Variants in LRIG2 observed in about 807,000 individuals in gnomAD.
LRIG2 encodes leucine rich repeats and immunoglobulin like domains 2.
A neutral mutation model predicts 107.8 loss-of-function variants in LRIG2; 93 were observed. The observed-to-expected ratio is 0.86, with a 90% CI of 0.73 to 1.03. The LOEUF (loss-of-function observed/expected upper bound fraction) is 1.03, where lower values mean the gene tolerates loss of function less well. Ranked by LOEUF, LRIG2 falls within the 50% of genes least tolerant of loss-of-function variation. The pLI is 0.00. For synonymous variants in LRIG2, 471 were observed against 470.6 expected (o/e 1.00, Z -0.01); for missense variants, 1,226 against 1,296.0 (o/e 0.95, Z 0.83).
chr1:113,094,577 C>T, intron 5 of LRIG2, 35 bp from the exon 6 acceptor site: 2 of 1,595,354 alleles, frequency 1.3e-6, no homozygotes, highest in Non-Finnish European at 1.7e-6. Context: ...TTTTAGCAAA[C>T]CAATTTCCTG....
Position 113,089,785 on chromosome 1 carries a change from A to G in LRIG2, c.240-1533A>G, listed in dbSNP as rs188775005. ...CAACCTCACTACAACCTCCGCCTCA[A>G]GGGTTCAAGTGATTCTCCTGCCTCA... is the stretch of plus-strand genomic sequence containing the variant. On this transcript the variant is annotated intron_variant, in intron 1 of 17. Coordinates refer to ENST00000361127, the MANE Select transcript of LRIG2 (RefSeq NM_014813.3). Among the ~76,000 whole-genome samples the G allele has an allele frequency of 8.9e-4, 127 of 142,134 alleles. No homozygotes were observed. In the East Asian group the frequency reaches 0.017, roughly 19 times the overall value. 93.2% of individuals were successfully genotyped at this position (142,134 alleles called of 152,430 possible).
intron 14 of LRIG2, 30 bp from the exon 15 acceptor site, chr1:113,114,396 AT>A (rs200615395): frequency 0.16 from 163,019 of 1,021,108 alleles, 7 homozygotes; most frequent in South Asian, 0.18. Context: ...CTAACTTTTC[AT>A]TTTTTTTTTT....
intron 14 of LRIG2, among the ~76,000 whole-genome samples, chr1:113,113,101 G>C (rs1374058687): frequency 6.7e-6 from 1 of 150,220 alleles, no homozygotes; most frequent in Non-Finnish European, 1.5e-5. Flanking sequence ...GAGTTCCACT[G>C]TTCTTTTAGG....
chr1:113,114,022 A>G (rs1654889199), intron 14 of LRIG2, among the ~76,000 whole-genome samples: 1 of 152,232 alleles, frequency 6.6e-6, no homozygotes, highest in Non-Finnish European at 1.5e-5. Context: ...GTAAAAGATC[A>G]TGTGACTATA....
rs777636481 is a variant in LRIG2 at position 113,124,047 on chromosome 1, T to C, written c.3144T>C (p.His1048=). Residue 1048 remains histidine (H), a synonymous_variant, in exon 18 of 18, where the codon CAT becomes CAC. Coordinates refer to ENST00000361127, the MANE Select transcript of LRIG2 (RefSeq NM_014813.3). ...SSMSCHRLQD[H]AFDFSRTRNI... ...TGTCCTGCCACAGGTTACAGGATCA[T>C]GCTTTTGATTTTAGTAGGACTCGGA... 18 of 1,614,062 alleles carry C rather than the reference T, an allele frequency of 1.1e-5. No individual in the cohort carries two copies. The East Asian group carries it at 3.3e-4, about 30-fold the overall frequency.
intron 17 of LRIG2, among the ~76,000 whole-genome samples, chr1:113,120,548 T>C (rs1030540300): frequency 6.6e-6 from 1 of 151,422 alleles, no homozygotes; most frequent in Non-Finnish European, 1.5e-5. Context: ...TTCGCTCTTG[T>C]TTCCCAAGCT....
chr1:113,110,990 T>TTGTGTG (rs71087153), intron 13 of LRIG2, among the ~76,000 whole-genome samples: 19 of 149,626 alleles, frequency 1.3e-4, no homozygotes, highest in East Asian at 1.2e-3. Context: ...ACAGGATCAT[T>TTGTGTG]TGTGTGTGTG....
chr1:113,106,375 A>G (rs1442080620), intron 11 of LRIG2, among the ~76,000 whole-genome samples: 1 of 152,200 alleles, frequency 6.6e-6, no homozygotes, highest in African/African-American at 2.4e-5. Flanking sequence ...AGTGGATGGG[A>G]CATTTAAGGG....
chr1:113,112,764 C>G lies in LRIG2; in HGVS notation c.2080+4C>G, dbSNP rs375581344. 2 of 1,589,486 alleles carry G rather than the reference C, an allele frequency of 1.3e-6. No homozygotes were observed. Among genetic ancestry groups the G allele is most frequent in the Non-Finnish European group, 1.7e-6 (2 of 1,160,754 alleles). ...AATGCTTCCCTAACAGTGTTAGGTA[C>G]GTTTACTGCTCCATGGGTCCCTGCT... On this transcript the variant is annotated splice_donor_region_variant and intron_variant, in intron 14 of 17. Transcript: ENST00000361127.
At chr1:113,101,256 ACAGGGTTTCGCCATGTTGGCCAG>A (rs1654296558) in intron 11 of LRIG2, among the ~76,000 whole-genome samples, 1 of 152,066 alleles carries the variant, frequency 6.6e-6, no homozygotes, top group Non-Finnish European at 1.5e-5. Flanking sequence ...TTTAGTAGAG[ACAGGGTTTCGCCATGTTGGCCAG>A]CTGGTCTCGA....
rs762307892 is a variant in LRIG2 at position 113,123,922 on chromosome 1, C to T, written c.3019C>T (p.Pro1007Ser). ...GAACATAAACAGAGAACTAGGCCTG[C>T]CTCATCCTCCTTTTTCCCAGCAGCC... ...VWNINRELGL[P>S]HPPFSQQPVH... Residue 1007 changes from proline to serine, a missense_variant, in exon 18 of 18, where the codon CCT becomes TCT. Pro to Ser is a moderately conservative substitution (Grantham distance 74). Coordinates refer to ENST00000361127, the MANE Select transcript of LRIG2 (RefSeq NM_014813.3). The T allele has an allele frequency of 6.2e-7, 1 of 1,614,196 alleles. No homozygotes were observed. The highest frequency in any genetic ancestry group is 2.2e-5 in the East Asian group (1 of 44,884).
chr1:113,097,471 T>A (rs893286549), intron 8 of LRIG2, among the ~76,000 whole-genome samples: 3 of 152,164 alleles, frequency 2.0e-5, no homozygotes, highest in Admixed American at 6.6e-5. Context: ...TTTGATTTTT[T>A]AAAAAATTCC....
chr1:113,119,662 A>G (rs1655165672), intron 17 of LRIG2, 139 bp downstream of exon 17: 1 of 742,422 alleles, frequency 1.3e-6, no homozygotes, highest in Non-Finnish European at 2.2e-6. Context: ...GTTAAATGGT[A>G]TAAACTATAG....
chr1:113,096,114 T>C, intron 7 of LRIG2, 97 bp downstream of exon 7: 2 of 1,583,340 alleles, frequency 1.3e-6, no homozygotes, highest in Non-Finnish European at 1.7e-6. Flanking sequence ...ACATCCCTCT[T>C]TACTAGAAAT....
chr1:113,091,290 C>T, intron 1 of LRIG2, 28 bp from the exon 2 acceptor site: 4 of 1,478,574 alleles, frequency 2.7e-6, no homozygotes, highest in East Asian at 2.3e-5. Context: ...CAGGACTAAA[C>T]TAAGAATGAT....
chr1:113,075,880 A>T (rs941744800), intron 1 of LRIG2, among the ~76,000 whole-genome samples: 2 of 151,410 alleles, frequency 1.3e-5, no homozygotes, highest in Non-Finnish European at 1.5e-5. Flanking sequence ...TATTTTTAGT[A>T]GAGGTGGGGT....
intron 17 of LRIG2, among the ~76,000 whole-genome samples, chr1:113,123,638 A>G (rs1453160729): frequency 2.0e-5 from 3 of 150,984 alleles, no homozygotes; most frequent in African/African-American, 7.4e-5. Flanking sequence ...AACAGGTGAC[A>G]GTAGACGATA....
intron 5 of LRIG2, 55 bp downstream of exon 5, chr1:113,094,537 TTTCTTTTTAATTTAATTAC>T: frequency 6.4e-7 from 1 of 1,574,612 alleles, no homozygotes; most frequent in South Asian, 1.2e-5. Context: ...ACAGGGTCTT[TTTCTTTTTAATTTAATTAC>T]TGTTAGAACA....
At position 113,110,337 on chromosome 1, in the gene LRIG2, A is replaced by G; in HGVS notation, c.1573A>G (p.Ser525Gly). Residue 525 changes from serine (S) to glycine (G), a missense_variant, in exon 13 of 18, where the codon AGT becomes GGT. Coordinates refer to ENST00000361127, the MANE Select transcript of LRIG2 (RefSeq NM_014813.3). Reference sequence around the variant, plus strand: ...TCTGACGTGCACTGCAGTGAGCAGCAGTGATTCACCCATGTCCACTGTGTG... The same window carrying G: ...TCTGACGTGCACTGCAGTGAGCAGCGGTGATTCACCCATGTCCACTGTGTG... ...VTLTCTAVSS[S>G]DSPMSTVWRK... 6.2e-7 allele frequency: 1 copy of G among 1,614,182 alleles called. No homozygotes were observed. Among genetic ancestry groups the G allele is most frequent in the Non-Finnish European group, 8.5e-7 (1 of 1,180,000 alleles).
Sources: allele counts gnomAD v4.1 joint callset (sites outside exome capture counted in the v4.1 genomes callset), GRCh38; gene constraint gnomAD v4.1.1; transcripts MANE v1.5; gene names NCBI Gene and HGNC (gene_info 2026-07-23, HGNC 2026-07-21).